Variants in NEB observed in about 807,000 individuals in gnomAD.
NEB encodes nebulin.
In NEB, 512 loss-of-function variants were observed where a neutral mutation model predicts 952.2. The observed-to-expected ratio is 0.54, with a 90% CI of 0.50 to 0.58. The LOEUF (loss-of-function observed/expected upper bound fraction) is 0.58, where lower values mean the gene tolerates loss of function less well. NEB is among the 20% of genes least tolerant of loss of function. NEB has a pLI of 0.00. For synonymous variants in NEB, 2,900 were observed against 3,149.8 expected, an observed-to-expected ratio of 0.92 and a Z score of 2.66; for missense variants, 8,428 against 9,231.1, an observed-to-expected ratio of 0.91 and a Z score of 3.56.
In NEB at chr2:151,545,922, C is replaced by T; in HGVS notation, c.20543G>A (p.Arg6848Lys). ...ATGTGTCTTCAGTTCTTGCACTTTTCTGTATTCTGGAGTGTCAAGCACCAC... is the reference window on the plus strand; with the variant it reads ...ATGTGTCTTCAGTTCTTGCACTTTTTTGTATTCTGGAGTGTCAAGCACCAC... ...YKVVLDTPEY[R>K]KVQELKTHLS... The change falls in exon 135 of 182, where the codon AGA (arginine) becomes AAA (lysine). Residue 6848 changes from arginine (R) to lysine (K), a missense_variant. Physicochemically the swap from Arg to Lys is conservative, Grantham distance 26. This residue lies in a region of NEB where 3,374 missense variants were observed against 3,651.5 expected (regional missense o/e 0.92). Transcript: ENST00000397345. The T allele has an allele frequency of 3.7e-6, 6 of 1,608,770 alleles. No homozygotes were observed. Among genetic ancestry groups the T allele is most frequent in the Non-Finnish European group, 5.1e-6 (6 of 1,177,826 alleles).
chr2:151,724,883 T>C lies in NEB; in HGVS notation c.481A>G (p.Lys161Glu), dbSNP rs1440684786. 6.2e-7 allele frequency: 1 copy of C among 1,613,798 alleles called. No homozygotes were observed. Among genetic ancestry groups the C allele is most frequent in the Non-Finnish European group, 8.5e-7 (1 of 1,179,804 alleles). ...TTACTGACTTGCTGCGACACTTTCTTTGCATGTTCAATATCCTTTGCTTTT... is the reference window on the plus strand; with the variant it reads ...TTACTGACTTGCTGCGACACTTTCTCTGCATGTTCAATATCCTTTGCTTTT... Reference protein sequence around the residue: ...DEKAKDIEHAKKVSQQVSKVL... With the variant: ...DEKAKDIEHAEKVSQQVSKVL... The change falls in exon 7 of 182, where the codon AAG (lysine) becomes GAG (glutamate). Residue 161 changes from lysine to glutamate, a missense_variant. This residue lies in a region of NEB where 2,851 missense variants were observed against 2,791.5 expected (regional missense o/e 1.02). Transcript: ENST00000397345.
At chr2:151,679,215 C>A (rs550660975) in intron 32 of NEB, among the ~76,000 whole-genome samples, 1 of 152,108 alleles carries the variant, frequency 6.6e-6, no homozygotes, top group African/African-American at 2.4e-5. Context: ...CTTCAGTTCA[C>A]ATCTTGGTTA....
Position 151,621,132 on chromosome 2 carries a change from G to T in NEB, c.10453-106C>A, listed in dbSNP as rs954930121. 1.6e-4 allele frequency: 117 copies of T among 721,462 alleles called. No individual in the cohort carries two copies. The Admixed American group carries it at 2.6e-3, about 16-fold the overall frequency. The allele number at this position is 721,462 out of a possible 1,614,324, so 44.7% of individuals were successfully genotyped here. On this transcript the variant is annotated intron_variant, in intron 71 of 181. Coordinates refer to ENST00000397345, the MANE Select transcript of NEB (RefSeq NM_001164508.2). Reference sequence around the variant, plus strand: ...TTTGGATGCAAAACTACATGAGTATGTTCAGCCTTAAATCAGAAAAAGAAC... The same window carrying T: ...TTTGGATGCAAAACTACATGAGTATTTTCAGCCTTAAATCAGAAAAAGAAC...
At chr2:151,656,838 A>G (rs1205659062) in intron 48 of NEB, among the ~76,000 whole-genome samples, 1 of 140,092 alleles carries the variant, frequency 7.1e-6, no homozygotes, top group Non-Finnish European at 1.5e-5. Flanking sequence ...TAAAAAGAAC[A>G]CAGAAGATGA....
intron 29 of NEB, 122 bp from the exon 30 acceptor site, chr2:151,680,950 A>C: frequency 3.8e-6 from 3 of 789,022 alleles, no homozygotes; most frequent in South Asian, 3.1e-5. Flanking sequence ...AAAATGCAAA[A>C]ACACTAGATT....
chr2:151,525,062 C>G (rs980846943), intron 151 of NEB, 101 bp downstream of exon 151: 70 of 894,980 alleles, frequency 7.8e-5, no homozygotes, highest in Non-Finnish European at 1.2e-4. Context: ...GAAACTACCA[C>G]AGAGGAATTA....
chr2:151,592,082 G>A lies in NEB; in HGVS notation c.14778C>T (p.Asp4926=), dbSNP rs1196827986. 3 of 1,549,638 alleles carry A rather than the reference G, an allele frequency of 1.9e-6. No homozygotes were observed. The highest frequency in any genetic ancestry group is 2.4e-5 in the South Asian group (2 of 83,972). The change falls in exon 95 of 182, where the codon GAC becomes GAT. Residue 4926 remains aspartate (D), a synonymous_variant. Transcript: ENST00000397345. ...TTTTGGATTGCAGCATCAGGGGAGT[G>A]TCAGCTGGCACGTTCACATTAGCCT... ...KEKANVNVPA[D]TPLMLQSKIN...
rs2098713210 is a variant in NEB, at chr2:151,633,999, GT to G, written c.9103-35del. On this transcript the variant is annotated intron_variant, in intron 64 of 181. Coordinates refer to ENST00000397345, the MANE Select transcript of NEB (RefSeq NM_001164508.2). ...AAAATGCACAAATCAGGTTTTTATTGTAACCCCTTAGAGGCCACAAGTCTGT... is the reference window on the plus strand; with the variant it reads ...AAAATGCACAAATCAGGTTTTTATTGAACCCCTTAGAGGCCACAAGTCTGT... 3 of 1,596,218 alleles carry G rather than the reference GT, an allele frequency of 1.9e-6. No homozygotes were observed. The African/African-American group carries it at 4.0e-5, about 21-fold the overall frequency.
Position 151,619,714 on chromosome 2 carries a change from C to T in NEB, c.10609G>A (p.Ala3537Thr), listed in dbSNP as rs556492694. The T allele has an allele frequency of 1.7e-4, 272 of 1,613,706 alleles. No homozygotes were observed. The highest frequency in any genetic ancestry group is 4.9e-4 in the East Asian group (22 of 44,862). ...TTGGGGTCATCGTGTACTGCTCGGG[C>T]GCCAATGTGGTGACCCAACTGTTTA... ...YRKQLGHHIG[A>T]RAVHDDPKIM... The change falls in exon 73 of 182, where the codon GCC becomes ACC. Residue 3537 changes from alanine (A) to threonine (T), a missense_variant. Physicochemically the swap from Ala to Thr is moderately conservative, Grantham distance 58. Transcript: ENST00000397345.
At position 151,518,338 on chromosome 2, in the gene NEB, C is replaced by G; in HGVS notation, c.22780G>C (p.Ala7594Pro). 1 of 1,607,788 alleles carries G rather than the reference C, an allele frequency of 6.2e-7. No homozygotes were observed. Among genetic ancestry groups the G allele is most frequent in the Non-Finnish European group, 8.5e-7 (1 of 1,174,394 alleles). ...DNLEQLHLKE[A>P]TELQSIVKYK... Reference sequence around the variant, plus strand: ...CTTACTATACTCTGTAATTCTGTGGCCTCTTTTAGGTGAAGCTGCTCCAGA... The same window carrying G: ...CTTACTATACTCTGTAATTCTGTGGGCTCTTTTAGGTGAAGCTGCTCCAGA... Residue 7594 changes from alanine to proline, a missense_variant, in exon 156 of 182, where the codon GCC becomes CCC. Ala to Pro is a conservative substitution (Grantham distance 27). This residue lies in a region of NEB where 3,374 missense variants were observed against 3,651.5 expected (regional missense o/e 0.92). Transcript: ENST00000397345.
intron 164 of NEB, 90 bp downstream of exon 164, chr2:151,506,076 G>A: frequency 1.8e-6 from 2 of 1,119,938 alleles, no homozygotes; most frequent in South Asian, 1.2e-5. Flanking sequence ...GCTGTTTCTG[G>A]TGACAGAGGC....
At position 151,496,313 on chromosome 2, in the gene NEB, A is replaced by T; in HGVS notation, c.24449T>A (p.Met8150Lys). The T allele has an allele frequency of 6.2e-7, 1 of 1,612,342 alleles. No homozygotes were observed. The highest frequency in any genetic ancestry group is 8.5e-7 in the Non-Finnish European group (1 of 1,179,082). The stretch of plus-strand genomic sequence containing the variant: ...TTCTTGATTGTGTTTGACTCGCTCC[A>T]TCTCGGGAGTGACAGCTAAAGGAGT... ...KGTPLAVTPE[M>K]ERVKHNQENI... Residue 8150 changes from methionine to lysine, a missense_variant, in exon 173 of 182, where the codon ATG becomes AAG. Coordinates refer to ENST00000397345, the MANE Select transcript of NEB (RefSeq NM_001164508.2).
At position 151,633,934 on chromosome 2, in the gene NEB, A is replaced by T. The variant is rs752338827; in HGVS notation, c.9134T>A (p.Leu3045His). The T allele has an allele frequency of 6.2e-7, 1 of 1,613,664 alleles. No individual in the cohort carries two copies. Among genetic ancestry groups the T allele is most frequent in the South Asian group, 1.1e-5 (1 of 91,078 alleles). ...YKYKDGYCKQLGHHIGARNIE... is the reference protein window; with the variant it reads ...YKYKDGYCKQHGHHIGARNIE... ...GTTCCGGGCTCCAATATGGTGGCCA[A>T]GTTGCTTGCAGTAACCATCTTTATA... The change falls in exon 65 of 182, where the codon CTT becomes CAT. Residue 3045 changes from leucine (L) to histidine (H), a missense_variant. By Grantham distance (99) the Leu-to-His change is moderately conservative. Coordinates refer to ENST00000397345, the MANE Select transcript of NEB (RefSeq NM_001164508.2).
chr2:151,683,641 C>T (rs1223175043), intron 28 of NEB, among the ~76,000 whole-genome samples: 1 of 152,110 alleles, frequency 6.6e-6, no homozygotes, highest in African/African-American at 2.4e-5. Flanking sequence ...GCAGCTGCTG[C>T]AGAAAACAGT....
At chr2:151,640,131 A>G in intron 61 of NEB, 71 bp from the exon 62 acceptor site, 2 of 1,542,976 alleles carry the variant, frequency 1.3e-6, no homozygotes, top group South Asian at 1.1e-5. Context: ...AGGATAAGAG[A>G]TCAAGTAAAA....
chr2:151,502,013 G>GTCTT (rs2065038779), intron 167 of NEB, among the ~76,000 whole-genome samples: 1 of 152,128 alleles, frequency 6.6e-6, no homozygotes, highest in South Asian at 2.1e-4. Context: ...TTGCTGTGTT[G>GTCTT]TCTTTGAATG....
chr2:151,730,845 T>C (rs1304215015), intron 3 of NEB, among the ~76,000 whole-genome samples: 1 of 152,136 alleles, frequency 6.6e-6, no homozygotes, highest in Non-Finnish European at 1.5e-5. Context: ...TGCCTAATGT[T>C]CCTCATTCTT....
At chr2:151,560,103 T>C (rs976696058) in intron 124 of NEB, among the ~76,000 whole-genome samples, 1 of 152,186 alleles carries the variant, frequency 6.6e-6, no homozygotes, top group Admixed American at 6.5e-5. Flanking sequence ...ATTATGTTTA[T>C]ATCTAAGAAA....
At chr2:151,687,983 A>C (rs1232102652) in intron 25 of NEB, among the ~76,000 whole-genome samples, 1 of 152,190 alleles carries the variant, frequency 6.6e-6, no homozygotes, top group Non-Finnish European at 1.5e-5. Flanking sequence ...GATTTACATA[A>C]GGATGCTATA....
Sources: gnomAD v4.1 joint callset for allele counts (sites outside exome capture counted in the v4.1 genomes callset) on GRCh38, gnomAD v4.1.1 for gene constraint, gnomAD v4.1.1 regional missense constraint, MANE v1.5 for transcripts, NCBI Gene and HGNC (gene_info 2026-07-23, HGNC 2026-07-21) for gene names.